Variants in REEP1 observed in about 807,000 individuals in gnomAD.
The protein encoded by REEP1 is receptor expression-enhancing protein 1.
A neutral mutation model predicts 40.3 loss-of-function variants in REEP1; 22 were observed. That is an observed-to-expected ratio of 0.55 (90% CI 0.39 to 0.78). The LOEUF is 0.78. REEP1 is among the 30% of genes least tolerant of loss of function. The pLI is 0.00. For synonymous variants in REEP1, 116 were observed against 139.2 expected (o/e 0.83, Z 1.17); for missense variants, 280 against 361.1 (o/e 0.78, Z 1.82).
chr2:86,220,876 T>C lies in REEP1; in HGVS notation c.632-755A>G, dbSNP rs183140076. On this transcript the variant is annotated intron_variant, in intron 7 of 8. Transcript: ENST00000538924. ...TTAATTCATCTCATTGAACGCACAG[T>C]ATTTTTTAAATGTTAAATGCTAATA... Among the ~76,000 whole-genome samples the C allele has an allele frequency of 2.1e-4, 32 of 152,326 alleles. No individual in the cohort carries two copies. In the East Asian group the frequency reaches 5.8e-3, roughly 28 times the overall value.
chr2:86,261,263 C>G (rs1328296440), intron 3 of REEP1, among the ~76,000 whole-genome samples: 1 of 152,174 alleles, frequency 6.6e-6, no homozygotes, highest in Non-Finnish European at 1.5e-5. Context: ...GGGCCGGCCT[C>G]TACTCTCATC....
At chr2:86,298,146 G>A (rs1418257126) in intron 1 of REEP1, among the ~76,000 whole-genome samples, 1 of 152,200 alleles carries the variant, frequency 6.6e-6, no homozygotes, top group East Asian at 1.9e-4. Context: ...ATGCTAGGCT[G>A]TTTCCCTGGG....
chr2:86,255,351 C>T (rs1460718558), intron 3 of REEP1, among the ~76,000 whole-genome samples: 5 of 152,192 alleles, frequency 3.3e-5, no homozygotes, highest in African/African-American at 1.2e-4. Context: ...GACAAGAGCC[C>T]AGCTCTTGGC....
In REEP1 at chr2:86,214,938, T is replaced by C. The variant is rs1446538957; in HGVS notation, c.*2101A>G. ...CATTGTAAAATGGCGAAAATATAGGTTGTTCACGATAGGATTTTAAACTGC... is the reference window on the plus strand; with the variant it reads ...CATTGTAAAATGGCGAAAATATAGGCTGTTCACGATAGGATTTTAAACTGC... On this transcript the variant is annotated 3_prime_UTR_variant, in exon 9 of 9. Coordinates refer to ENST00000538924, the MANE Select transcript of REEP1 (RefSeq NM_001371279.1). The C allele has an allele frequency of 6.6e-6, 1 of 152,256 alleles. No individual in the cohort carries two copies. 9.4% of individuals were successfully genotyped at this position (152,256 alleles called of 1,614,324 possible). A position where few individuals can be genotyped will look rare whatever the true frequency, so the allele number is the denominator to read the frequency against.
chr2:86,260,554 C>CA (rs1055211990), intron 3 of REEP1, among the ~76,000 whole-genome samples: 1 of 152,190 alleles, frequency 6.6e-6, no homozygotes, highest in African/African-American at 2.4e-5. Context: ...AATCTAATCA[C>CA]AAGAGCCCTT....
At position 86,227,421 on chromosome 2, in the gene REEP1, C is replaced by T. The variant is rs1674766750; in HGVS notation, c.596-23G>A. 3.2e-6 allele frequency: 4 copies of T among 1,232,190 alleles called. No homozygotes were observed. In the Admixed American group the frequency reaches 1.7e-4, roughly 52 times the overall value. 76.3% of individuals were successfully genotyped at this position (1,232,190 alleles called of 1,614,324 possible). A position where few individuals can be genotyped will look rare whatever the true frequency, so the allele number is the denominator to read the frequency against. ...ACACTGTGGGAATGGGGTAGGGGCA[C>T]CATCAGTGACATCCCCCACTGGACA... On this transcript the variant is annotated intron_variant, in intron 6 of 8. Transcript: ENST00000538924.
chr2:86,267,063 A>T (rs958984686), intron 2 of REEP1, among the ~76,000 whole-genome samples: 6 of 150,064 alleles, frequency 4.0e-5, no homozygotes, highest in African/African-American at 1.5e-4. Context: ...TGGGAGGCCA[A>T]GATGAGAGAA....
chr2:86,285,028 A>C (rs2104406776), intron 1 of REEP1, among the ~76,000 whole-genome samples: 1 of 152,394 alleles, frequency 6.6e-6, no homozygotes, highest in African/African-American at 2.4e-5. Flanking sequence ...TGAAGGAAGC[A>C]GGCTCAAGCC....
At chr2:86,288,032 A>ATTTTTTTTTTTTTTTTTT (rs1558916457) in intron 1 of REEP1, among the ~76,000 whole-genome samples, 2 of 149,752 alleles carry the variant, frequency 1.3e-5, no homozygotes, top group African/African-American at 5.1e-5. Context: ...TATTTTTATT[A>ATTTTTTTTTTTTTTTTTT]TTTTTTTGAG....
intron 7 of REEP1, among the ~76,000 whole-genome samples, chr2:86,221,404 T>C (rs897242061): frequency 6.6e-6 from 1 of 152,178 alleles, no homozygotes; most frequent in African/African-American, 2.4e-5. Flanking sequence ...CTATTATTAT[T>C]TTATTTCTAC....
chr2:86,337,478 C>T lies in REEP1; in HGVS notation c.32+1G>A. The T allele has an allele frequency of 1.5e-6, 2 of 1,292,372 alleles. No homozygotes were observed. The highest frequency in any genetic ancestry group is 2.0e-6 in the Non-Finnish European group (2 of 1,013,470). The allele number at this position is 1,292,372 out of a possible 1,614,324, so 80.1% of individuals were successfully genotyped here. ...GGGGCGCGGGGGAGAAGGCCACTTA[C>T]ACCACCAGCCTGGAGATGATCCATG... is the stretch of plus-strand genomic sequence containing the variant. On this transcript the variant is annotated splice_donor_variant, in intron 1 of 8. Coordinates refer to ENST00000538924, the MANE Select transcript of REEP1 (RefSeq NM_001371279.1). LOFTEE classifies it high-confidence loss of function. The surrounding 1 kb of genome is among the most constrained non-coding windows in gnomAD (Gnocchi z 5.8).
chr2:86,273,484 C>A (rs1017803992), intron 2 of REEP1, among the ~76,000 whole-genome samples: 16 of 152,010 alleles, frequency 1.1e-4, no homozygotes, highest in African/African-American at 3.9e-4. Context: ...CAGGGTCTCA[C>A]CATGTTGCCC....
At chr2:86,289,251 T>C (rs1005124978) in intron 1 of REEP1, among the ~76,000 whole-genome samples, 3 of 152,214 alleles carry the variant, frequency 2.0e-5, no homozygotes, top group African/African-American at 7.2e-5. Flanking sequence ...AGGAATTCAA[T>C]TTTATTCTTT....
intron 2 of REEP1, among the ~76,000 whole-genome samples, chr2:86,269,572 G>A (rs944262402): frequency 6.6e-6 from 1 of 152,002 alleles, no homozygotes; most frequent in Non-Finnish European, 1.5e-5. Context: ...TGATTCTTAG[G>A]CTACCAGCAA....
chr2:86,272,311 C>G (rs183947510), intron 2 of REEP1, among the ~76,000 whole-genome samples: 1 of 152,350 alleles, frequency 6.6e-6, no homozygotes, highest in Admixed American at 6.5e-5. Flanking sequence ...GATCTACTTT[C>G]TCATTCCTCA....
chr2:86,331,444 A>G (rs990311071), intron 1 of REEP1, among the ~76,000 whole-genome samples: 1 of 151,646 alleles, frequency 6.6e-6, no homozygotes, highest in Admixed American at 6.6e-5. Context: ...CCCTACAAAG[A>G]GGGGGAAAGG....
At chr2:86,329,185 C>T (rs1287616570) in intron 1 of REEP1, among the ~76,000 whole-genome samples, 2 of 152,228 alleles carry the variant, frequency 1.3e-5, no homozygotes, top group African/African-American at 4.8e-5. Context: ...CTTCTCTCCT[C>T]TGCCATGCCA....
In REEP1 at chr2:86,328,859, C is replaced by T. The variant is rs551703220; in HGVS notation, c.32+8620G>A. 8.5e-5 allele frequency among the ~76,000 whole-genome samples: 13 copies of T among 152,248 alleles called. 1 individual carries two copies. The highest frequency in any genetic ancestry group is 4.2e-4 in the South Asian group (2 of 4,816). On this transcript the variant is annotated intron_variant, in intron 1 of 8. Transcript: ENST00000538924. ...CTTTTGGGCTCTGGTCCCGTGGCAG[C>T]GTCTAGGGGTGTGTTACAATTAATG...
intron 5 of REEP1, among the ~76,000 whole-genome samples, chr2:86,242,407 T>A (rs1675712090): frequency 6.6e-6 from 1 of 152,170 alleles, no homozygotes; most frequent in Non-Finnish European, 1.5e-5. Context: ...GAGATGCAGG[T>A]AAGACACATA....
Sources: allele counts gnomAD v4.1 joint callset (sites outside exome capture counted in the v4.1 genomes callset), GRCh38; gene constraint gnomAD v4.1.1; non-coding constraint Gnocchi (gnomAD v3.1); transcripts MANE v1.5; gene names NCBI Gene and HGNC (gene_info 2026-07-23, HGNC 2026-07-21).